Variants in CYB561A3 observed in about 807,000 individuals in gnomAD.
The protein encoded by CYB561A3 is lysosomal membrane ascorbate-dependent ferrireductase CYB561A3.
CYB561A3 carries 16 observed loss-of-function variants against 25.3 expected under a neutral mutation model. That is an observed-to-expected ratio of 0.63 (90% confidence interval 0.43 to 0.96). The LOEUF (loss-of-function observed/expected upper bound fraction) is 0.96, where lower values mean the gene tolerates loss of function less well. CYB561A3 is among the 40% of genes least tolerant of loss of function. CYB561A3 has a pLI of 0.00. For missense variants in CYB561A3, 219 were observed against 307.5 expected (o/e 0.71, Z 2.15); for synonymous variants, 131 against 129.9 (o/e 1.01, Z -0.06).
Position 61,353,907 on chromosome 11 carries a change from G to A in CYB561A3, c.270C>T (p.Ala90=), listed in dbSNP as rs372448891. The A allele has an allele frequency of 6.8e-6, 11 of 1,614,112 alleles. No homozygotes were observed. The highest frequency in any genetic ancestry group is 8.5e-6 in the Non-Finnish European group (10 of 1,180,056). ...KLLHAALHLM[A]FVLTVVGLVA... is the part of the protein sequence containing the mutation. ...CCAGCCCCACAACAGTGAGGACGAA[G>A]GCCATCAGGTGCAGCGCTGCATGGA... The change falls in exon 4 of 7, where the codon GCC becomes GCT. Residue 90 remains alanine, a synonymous_variant. Transcript: ENST00000294072.
chr11:61,355,078 G>A (rs534280455), intron 3 of CYB561A3, among the ~76,000 whole-genome samples: 5 of 151,728 alleles, frequency 3.3e-5, no homozygotes, highest in Non-Finnish European at 1.5e-5. Flanking sequence ...CTGTGTTAGC[G>A]AGGATGGTCT....
chr11:61,355,941 A>C (rs1857634020), intron 3 of CYB561A3: 1 of 151,686 alleles, frequency 6.6e-6, no homozygotes, highest in African/African-American at 2.4e-5. Context: ...TACAAAAAAA[A>C]ATTAGCCGGT....
rs1565064061 is a variant in CYB561A3 at position 61,349,635 on chromosome 11, T to C, written c.*764A>G. ...AAGGCCGGGATCCAGGCCTCAGCTGTAGCAGCAGCTGGAAGAGGTGGAGCC... is the reference window on the plus strand; with the variant it reads ...AAGGCCGGGATCCAGGCCTCAGCTGCAGCAGCAGCTGGAAGAGGTGGAGCC... On this transcript the variant is annotated 3_prime_UTR_variant, in exon 7 of 7. Transcript: ENST00000294072. 1 of 702,786 alleles carries C rather than the reference T, an allele frequency of 1.4e-6. No homozygotes were observed. The highest frequency in any genetic ancestry group is 2.6e-6 in the Non-Finnish European group (1 of 384,988). The allele number at this position is 702,786 out of a possible 1,614,324, so 43.5% of individuals were successfully genotyped here. A position where few individuals can be genotyped will look rare whatever the true frequency, so the allele number is the denominator to read the frequency against.
chr11:61,355,349 A>G (rs1397544077), intron 3 of CYB561A3, among the ~76,000 whole-genome samples: 1 of 152,186 alleles, frequency 6.6e-6, no homozygotes, highest in Non-Finnish European at 1.5e-5. Flanking sequence ...CCAGGGCCCC[A>G]AGGCACAGAT....
At chr11:61,361,062 A>G (rs1857854675) in intron 1 of CYB561A3, 1 of 152,188 alleles carries the variant, frequency 6.6e-6, no homozygotes, top group Admixed American at 6.5e-5. Context: ...CTACAAATAA[A>G]TGAAGGGGTA....
Position 61,361,766 on chromosome 11 carries a change from T to C in CYB561A3, c.-145A>G, listed in dbSNP as rs561996117. The C allele has an allele frequency of 2.0e-5, 3 of 152,202 alleles. No individual in the cohort carries two copies. Among genetic ancestry groups the C allele is most frequent in the Admixed American group, 6.5e-5 (1 of 15,282 alleles). The allele number at this position is 152,202 out of a possible 1,614,324, so 9.4% of individuals were successfully genotyped here. A position where few individuals can be genotyped will look rare whatever the true frequency, so the allele number is the denominator to read the frequency against. On this transcript the variant is annotated 5_prime_UTR_variant, in exon 1 of 7. Transcript: ENST00000294072. ...ACAGTGGGACGAAGTGAGGCCGGGA[T>C]CTCCGGAACCCGCCTCTCGCTACCA...
In CYB561A3 at chr11:61,353,906, A is replaced by G. The variant is rs368284628; in HGVS notation, c.271T>C (p.Phe91Leu). 3.1e-6 allele frequency: 5 copies of G among 1,614,072 alleles called. No individual in the cohort carries two copies. The African/African-American group carries it at 6.7e-5, about 22-fold the overall frequency. ...LLHAALHLMA[F>L]VLTVVGLVAV... ...ACCAGCCCCACAACAGTGAGGACGA[A>G]GGCCATCAGGTGCAGCGCTGCATGG... The change falls in exon 4 of 7, where the codon TTC (phenylalanine) becomes CTC (leucine). Residue 91 changes from phenylalanine to leucine, a missense_variant. Coordinates refer to ENST00000294072, the MANE Select transcript of CYB561A3 (RefSeq NM_153611.6).
intron 4 of CYB561A3, chr11:61,353,533 C>G: frequency 1.5e-6 from 1 of 684,500 alleles, no homozygotes; most frequent in Non-Finnish European, 2.7e-6. Context: ...CAGCATAGTG[C>G]GTGCCATGAC....
intron 5 of CYB561A3, 93 bp downstream of exon 5, chr11:61,352,892 T>C (rs768026191): frequency 6.3e-7 from 1 of 1,594,896 alleles, no homozygotes; most frequent in South Asian, 1.1e-5. Context: ...AAATCTCTCC[T>C]CCCTTGGGTG....
Position 61,349,425 on chromosome 11 carries a change from AG to A in CYB561A3, c.*973del. 4.7e-6 allele frequency: 3 copies of A among 642,374 alleles called. No individual in the cohort carries two copies. Among genetic ancestry groups the A allele is most frequent in the Non-Finnish European group, 8.5e-6 (3 of 351,096 alleles). The allele number at this position is 642,374 out of a possible 1,614,324, so 39.8% of individuals were successfully genotyped here. A position where few individuals can be genotyped will look rare whatever the true frequency, so the allele number is the denominator to read the frequency against. On this transcript the variant is annotated 3_prime_UTR_variant, in exon 7 of 7. Coordinates refer to ENST00000294072, the MANE Select transcript of CYB561A3 (RefSeq NM_153611.6). ...GGGCTGGGGCCCTGCCAAGAGAGCAAGGCCAGACCTGCCCAGCGGGAGGCAG... is the reference window on the plus strand; with the variant it reads ...GGGCTGGGGCCCTGCCAAGAGAGCAAGCCAGACCTGCCCAGCGGGAGGCAG...
intron 3 of CYB561A3, among the ~76,000 whole-genome samples, chr11:61,355,017 T>C (rs1158342282): frequency 6.6e-6 from 1 of 152,030 alleles, no homozygotes; most frequent in Non-Finnish European, 1.5e-5. Context: ...TACAGGTGCC[T>C]GCCACCATAC....
At chr11:61,357,031 G>C (rs765970690) in intron 2 of CYB561A3, 10 of 1,459,208 alleles carry the variant, frequency 6.9e-6, no homozygotes, top group Non-Finnish European at 8.3e-6. Flanking sequence ...AGAGTCCTGG[G>C]ATTCCTCTCC....
At chr11:61,350,746 C>T in intron 6 of CYB561A3, 1 of 607,000 alleles carries the variant, frequency 1.6e-6, no homozygotes, top group East Asian at 2.9e-5. Context: ...CCCCACAGAA[C>T]CACAGTGATT....
At chr11:61,356,872 C>A (rs954382350) in intron 2 of CYB561A3, 144 bp from the exon 3 acceptor site, 1 of 1,452,422 alleles carries the variant, frequency 6.9e-7, no homozygotes. Flanking sequence ...GGCACCACCC[C>A]CCGCCCGAGG....
chr11:61,359,279 A>G (rs909460258), intron 1 of CYB561A3: 2 of 151,524 alleles, frequency 1.3e-5, no homozygotes, highest in Non-Finnish European at 2.9e-5. Context: ...AAAAGCTTCC[A>G]TGAAGCTGGC....
Position 61,350,987 on chromosome 11 carries a change from A to G in CYB561A3, c.705+4T>C, listed in dbSNP as rs760370797. 2 of 1,612,804 alleles carry G rather than the reference A, an allele frequency of 1.2e-6. No homozygotes were observed. Among genetic ancestry groups the G allele is most frequent in the Admixed American group, 1.7e-5 (1 of 59,818 alleles). ...ACCCTGGAATGTGGGACTGGAACCCATACCTGTCTGTCGGTCAGGATCCCC... is the reference window on the plus strand; with the variant it reads ...ACCCTGGAATGTGGGACTGGAACCCGTACCTGTCTGTCGGTCAGGATCCCC... On this transcript the variant is annotated splice_donor_region_variant and intron_variant, in intron 6 of 6. Coordinates refer to ENST00000294072, the MANE Select transcript of CYB561A3 (RefSeq NM_153611.6).
At chr11:61,362,247 G>C (rs972994670), upstream of CYB561A3, 1 of 152,316 alleles carries the variant, frequency 6.6e-6, no homozygotes, top group Admixed American at 6.5e-5. Context: ...GCCCCGAACA[G>C]CGAAAGCTCC....
At chr11:61,352,935 AC>A in intron 5 of CYB561A3, 49 bp downstream of exon 5, 1 of 1,613,626 alleles carries the variant, frequency 6.2e-7, no homozygotes, top group Non-Finnish European at 8.5e-7. Flanking sequence ...TCTTTTGAAG[AC>A]CCTATTCCCT....
Position 61,350,300 on chromosome 11 carries a change from C to T in CYB561A3, c.*99G>A, listed in dbSNP as rs1012087347. The T allele has an allele frequency of 2.4e-5, 35 of 1,473,132 alleles. No homozygotes were observed. Among genetic ancestry groups the T allele is most frequent in the African/African-American group, 2.0e-4 (14 of 71,708 alleles). The allele number at this position is 1,473,132 out of a possible 1,614,324, so 91.3% of individuals were successfully genotyped here. On this transcript the variant is annotated 3_prime_UTR_variant, in exon 7 of 7. Coordinates refer to ENST00000294072, the MANE Select transcript of CYB561A3 (RefSeq NM_153611.6). ...TCTGGGCCCAGCATTGGAAGAAAGT[C>T]GCCTGCTGAAACCAGCCGGGAGCCC...
Sources: allele counts gnomAD v4.1 joint callset (sites outside exome capture counted in the v4.1 genomes callset), GRCh38; gene constraint gnomAD v4.1.1; transcripts MANE v1.5; gene names NCBI Gene and HGNC (gene_info 2026-07-23, HGNC 2026-07-21).